The following TMEM171 variants were observed in gnomAD, a reference collection of about 807,000 sequenced individuals.
TMEM171 encodes the protein transmembrane protein 171.
In TMEM171, 16 loss-of-function variants were observed where a neutral mutation model predicts 19.1. That is an observed-to-expected ratio of 0.84 (90% CI 0.57 to 1.27). TMEM171 has a LOEUF of 1.27. Among genes scored for constraint, TMEM171 ranks in the 50% most tolerant of loss-of-function variants. The pLI is 0.00. For missense variants in TMEM171, 429 were observed against 412.7 expected, an observed-to-expected ratio of 1.04 and a Z score of -0.34; for synonymous variants, 153 against 163.4, an observed-to-expected ratio of 0.94 and a Z score of 0.48.
intron 1 of TMEM171, 135 bp downstream of exon 1, chr5:73,120,831 C>A: frequency 1.2e-6 from 1 of 818,996 alleles, no homozygotes. Context: ...TCCCTGCGAG[C>A]CCCTCCGGCT....
intron 1 of TMEM171, among the ~76,000 whole-genome samples, chr5:73,121,096 A>G (rs767969084): frequency 3.3e-5 from 5 of 152,112 alleles, no homozygotes; most frequent in African/African-American, 4.8e-5. Flanking sequence ...TTGTGAGTGC[A>G]TCTGTGGGAG....
intron 1 of TMEM171, among the ~76,000 whole-genome samples, chr5:73,121,574 A>G (rs1290145200): frequency 6.6e-6 from 1 of 152,240 alleles, no homozygotes; most frequent in Non-Finnish European, 1.5e-5. Flanking sequence ...AAGATTAAAA[A>G]ATTAGTGCAA....
chr5:73,123,339 C>A lies in TMEM171; in HGVS notation c.-35C>A. Reference sequence around the variant, plus strand: ...AAATCTTGGAGGGAAGAAAACACATCCCACCCTGCCTCCGGGAAGGGGCCT... The same window carrying A: ...AAATCTTGGAGGGAAGAAAACACATACCACCCTGCCTCCGGGAAGGGGCCT... On this transcript the variant is annotated 5_prime_UTR_variant, in exon 2 of 4. Coordinates refer to ENST00000454765, the MANE Select transcript of TMEM171 (RefSeq NM_173490.8). The A allele has an allele frequency of 6.4e-7, 1 of 1,572,210 alleles. No individual in the cohort carries two copies. The highest frequency in any genetic ancestry group is 8.6e-7 in the Non-Finnish European group (1 of 1,156,208).
At position 73,123,638 on chromosome 5, in the gene TMEM171, C is replaced by T. The variant is rs1237456061; in HGVS notation, c.265C>T (p.Leu89=). The T allele has an allele frequency of 1.9e-6, 3 of 1,614,212 alleles. No homozygotes were observed. In the South Asian group the frequency reaches 3.3e-5, roughly 18 times the overall value. The stretch of plus-strand genomic sequence containing the variant: ...GGCGCAACTTCAGCTCCGTGCAGGG[C>T]TGCAGAGAGGTCAGCAGATGGACCC... ...SRAQLQLRAG[L]QRGQQMDPDR... is the part of the protein sequence containing the mutation. The change falls in exon 2 of 4, where the codon CTG becomes TTG. Residue 89 remains leucine, a synonymous_variant. Coordinates refer to ENST00000454765, the MANE Select transcript of TMEM171 (RefSeq NM_173490.8).
chr5:73,131,705 T>C lies in TMEM171; in HGVS notation c.950T>C (p.Leu317Pro), dbSNP rs1322173265. Residue 317 changes from leucine (L) to proline (P), a missense_variant, in exon 4 of 4, where the codon CTA becomes CCA. Coordinates refer to ENST00000454765, the MANE Select transcript of TMEM171 (RefSeq NM_173490.8). Reference sequence around the variant, plus strand: ...AATGCTGCAGCTACATTCTTGCCTCTATCTTCTGAGCCTTCCCCACCGTAA... The same window carrying C: ...AATGCTGCAGCTACATTCTTGCCTCCATCTTCTGAGCCTTCCCCACCGTAA... ...KENAAATFLP[L>P]SSEPSPP 4 of 1,613,484 alleles carry C rather than the reference T, an allele frequency of 2.5e-6. No homozygotes were observed. Among genetic ancestry groups the C allele is most frequent in the Non-Finnish European group, 3.4e-6 (4 of 1,179,774 alleles).
At position 73,123,313 on chromosome 5, in the gene TMEM171, G is replaced by A. The variant is rs1285772669; in HGVS notation, c.-61G>A. 3.2e-6 allele frequency: 5 copies of A among 1,540,858 alleles called. No individual in the cohort carries two copies. The highest frequency in any genetic ancestry group is 4.4e-6 in the Non-Finnish European group (5 of 1,142,270). ...GTTTGGTTGTGTTTGCAGAGCTGCTGAAATCTTGGAGGGAAGAAAACACAT... is the reference window on the plus strand; with the variant it reads ...GTTTGGTTGTGTTTGCAGAGCTGCTAAAATCTTGGAGGGAAGAAAACACAT... On this transcript the variant is annotated 5_prime_UTR_variant, in exon 2 of 4. Coordinates refer to ENST00000454765, the MANE Select transcript of TMEM171 (RefSeq NM_173490.8).
intron 1 of TMEM171, among the ~76,000 whole-genome samples, chr5:73,122,711 T>A (rs1744036858): frequency 6.6e-6 from 1 of 152,226 alleles, no homozygotes; most frequent in African/African-American, 2.4e-5. Context: ...AAGAACCACA[T>A]TTTGATAGAA....
chr5:73,123,981 T>A lies in TMEM171; in HGVS notation c.608T>A (p.Ile203Asn). Residue 203 changes from isoleucine to asparagine, a missense_variant, in exon 2 of 4, where the codon ATC (isoleucine) becomes AAC (asparagine). Ile to Asn is a moderately radical substitution (Grantham distance 149). Transcript: ENST00000454765. ...GCCTCTGAGAGAGAAGAGGGACAGA[T>A]CCAGATTATGGAGCCTGTCCAGGTC... ...QDASEREEGQ[I>N]QIMEPVQVTV... is the part of the protein sequence containing the mutation. 1 of 1,587,332 alleles carries A rather than the reference T, an allele frequency of 6.3e-7. No homozygotes were observed. The highest frequency in any genetic ancestry group is 8.6e-7 in the Non-Finnish European group (1 of 1,168,340).
rs762788903 is a variant in TMEM171 at position 73,123,704 on chromosome 5, C to G, written c.331C>G (p.Gln111Glu). The part of the protein sequence containing the change: ...FICGESRQFA[Q>E]CLIFGFLFLT... ...CTGTGGAGAGAGCCGCCAGTTTGCC[C>G]AGTGCCTTATCTTTGGGTTTCTGTT... is the stretch of plus-strand genomic sequence containing the variant. Residue 111 changes from glutamine to glutamate, a missense_variant, in exon 2 of 4, where the codon CAG (glutamine) becomes GAG (glutamate). Transcript: ENST00000454765. 4 of 1,614,246 alleles carry G rather than the reference C, an allele frequency of 2.5e-6. No homozygotes were observed. The South Asian group carries it at 4.4e-5, about 18-fold the overall frequency.
intron 2 of TMEM171, among the ~76,000 whole-genome samples, chr5:73,126,856 C>T (rs1397342058): frequency 6.6e-6 from 1 of 151,428 alleles, no homozygotes; most frequent in Non-Finnish European, 1.5e-5. Flanking sequence ...AGGCTTTCAC[C>T]AGGCCCCCAG....
At position 73,123,603 on chromosome 5, in the gene TMEM171, C is replaced by T; in HGVS notation, c.230C>T (p.Ala77Val). The change falls in exon 2 of 4, where the codon GCC becomes GTC. Residue 77 changes from alanine to valine, a missense_variant. Ala to Val is a moderately conservative substitution (Grantham distance 64). Transcript: ENST00000454765. ...GTTGGGCTTGGGGCTGTGATCCTGG[C>T]CCGCTCCCGGGCGCAACTTCAGCTC... Reference protein sequence around the residue: ...AVVGLGAVILARSRAQLQLRA... With the variant: ...AVVGLGAVILVRSRAQLQLRA... 6.2e-7 allele frequency: 1 copy of T among 1,614,200 alleles called. No homozygotes were observed. The highest frequency in any genetic ancestry group is 8.5e-7 in the Non-Finnish European group (1 of 1,180,034).
intron 3 of TMEM171, 123 bp downstream of exon 3, chr5:73,128,654 T>G: frequency 7.7e-7 from 1 of 1,303,108 alleles, no homozygotes; most frequent in Non-Finnish European, 1.1e-6. Context: ...TATGTCAGAA[T>G]TAGTGTCTTG....
At chr5:73,129,008 G>A (rs117902463) in intron 3 of TMEM171, among the ~76,000 whole-genome samples, 83 of 152,320 alleles carry the variant, frequency 5.4e-4, no homozygotes, top group Middle Eastern at 3.4e-3. Flanking sequence ...CATGAGGATC[G>A]ATTGAACGCA....
In TMEM171 at chr5:73,120,679, C is replaced by A; in HGVS notation, c.-86C>A. The stretch of plus-strand genomic sequence containing the variant: ...GCCCACAGCAGCGCGGTCAGCCAGG[C>A]GCCGGACCCAGCTTCAGGTAAGCTG... On this transcript the variant is annotated 5_prime_UTR_variant, in exon 1 of 4. Coordinates refer to ENST00000454765, the MANE Select transcript of TMEM171 (RefSeq NM_173490.8). 1.1e-5 allele frequency: 11 copies of A among 984,302 alleles called. No individual in the cohort carries two copies. Among genetic ancestry groups the A allele is most frequent in the Non-Finnish European group, 1.3e-5 (11 of 829,662 alleles). The allele number at this position is 984,302 out of a possible 1,614,324, so 61.0% of individuals were successfully genotyped here. A position where few individuals can be genotyped will look rare whatever the true frequency, so the allele number is the denominator to read the frequency against.
rs201510178 is a variant in TMEM171, at chr5:73,123,805, G to A, written c.432G>A (p.Pro144=). The A allele has an allele frequency of 3.7e-5, 59 of 1,612,572 alleles. No individual in the cohort carries two copies. Among genetic ancestry groups the A allele is most frequent in the African/African-American group, 2.4e-4 (18 of 74,984 alleles). The change falls in exon 2 of 4, where the codon CCG becomes CCA. Residue 144 remains proline, a synonymous_variant. Transcript: ENST00000454765. The part of the protein sequence containing the change: ...PGCGSNWAQE[P]LNETDTGDSE... ...GTGGCTCCAACTGGGCGCAGGAACC[G>A]CTAAACGAGACAGACACTGGCGACT...
chr5:73,125,688 C>T (rs909093539), intron 2 of TMEM171, among the ~76,000 whole-genome samples: 4 of 152,150 alleles, frequency 2.6e-5, no homozygotes, highest in Non-Finnish European at 4.4e-5. Flanking sequence ...TAGTTGGGAA[C>T]GGTTCGAGGG....
rs910130795 is a variant in TMEM171, at chr5:73,123,822, C to T, written c.449C>T (p.Thr150Ile). ...CAGGAACCGCTAAACGAGACAGACA[C>T]TGGCGACTCAGAGCCCCGGATGTGT... The part of the protein sequence containing the change: ...WAQEPLNETD[T>I]GDSEPRMCGF... Residue 150 changes from threonine (T) to isoleucine (I), a missense_variant, in exon 2 of 4, where the codon ACT becomes ATT. By Grantham distance (89) the Thr-to-Ile change is moderately conservative. Transcript: ENST00000454765. 4.3e-6 allele frequency: 7 copies of T among 1,612,738 alleles called. No homozygotes were observed. The African/African-American group carries it at 6.7e-5, about 15-fold the overall frequency.
In TMEM171 at chr5:73,128,463, G is replaced by T. The variant is rs371692923; in HGVS notation, c.714G>T (p.Glu238Asp). 6.2e-7 allele frequency: 1 copy of T among 1,613,926 alleles called. No homozygotes were observed. Among genetic ancestry groups the T allele is most frequent in the Non-Finnish European group, 8.5e-7 (1 of 1,180,006 alleles). ...AATCTTCAGCTTCTGCGGTCGCTGA[G>T]AGTCCTGGAACTAACAGTCTGCTTC... ...FPESSASAVA[E>D]SPGTNSLLPN... The change falls in exon 3 of 4, where the codon GAG becomes GAT. Residue 238 changes from glutamate (E) to aspartate (D), a missense_variant. Coordinates refer to ENST00000454765, the MANE Select transcript of TMEM171 (RefSeq NM_173490.8).
At chr5:73,124,036 C>G in intron 2 of TMEM171, 23 bp downstream of exon 2, 1 of 1,510,580 alleles carries the variant, frequency 6.6e-7, no homozygotes, top group Non-Finnish European at 8.9e-7. Flanking sequence ...TATTTGCGTT[C>G]TTGCTTCTAT....
Sources: allele counts gnomAD v4.1 joint callset (sites outside exome capture counted in the v4.1 genomes callset), GRCh38; gene constraint gnomAD v4.1.1; transcripts MANE v1.5; gene names NCBI Gene and HGNC (gene_info 2026-07-23, HGNC 2026-07-21).